The following HACL2 variants were observed in gnomAD, a reference collection of about 807,000 sequenced individuals.
The protein encoded by HACL2 is 2-hydroxyacyl-CoA lyase 2.
chr19:15,115,085 C>A, the HACL2 span: 1 of 766,166 alleles, frequency 1.3e-6, no homozygotes. Context: ...TCCAAGAGCT[C>A]ACAAGAGAGC....
the HACL2 span, chr19:15,119,183 T>C: frequency 5.1e-6 from 8 of 1,577,490 alleles, no homozygotes; most frequent in Non-Finnish European, 6.9e-6. Flanking sequence ...GACAATGACA[T>C]CCGCCTTCTT....
the HACL2 span, chr19:15,115,325 C>G: frequency 6.2e-7 from 1 of 1,614,152 alleles, no homozygotes; most frequent in Non-Finnish European, 8.5e-7. Context: ...GTGGCCGTCT[C>G]GGCACTGCTG....
chr19:15,122,588 T>C, the HACL2 span: 1 of 928,800 alleles, frequency 1.1e-6, no homozygotes, highest in Non-Finnish European at 1.7e-6. This position sits in a 1 kb window ranked among gnomAD's most constrained non-coding sequence, Gnocchi z 4.0. Context: ...CCCCCAGCTG[T>C]CTCCTCCCAG....
chr19:15,122,606 G>T, the HACL2 span: 1 of 1,119,408 alleles, frequency 8.9e-7, no homozygotes, highest in Non-Finnish European at 1.3e-6. This position sits in a 1 kb window ranked among gnomAD's most constrained non-coding sequence, Gnocchi z 4.0. Context: ...CAGTCCACAT[G>T]TGAATCAAAG....
chr19:15,119,501 C>T, the HACL2 span: 1 of 1,613,962 alleles, frequency 6.2e-7, no homozygotes, highest in Non-Finnish European at 8.5e-7. Flanking sequence ...TCAGGATCTC[C>T]ACACAGCGCT....
the HACL2 span, chr19:15,120,158 G>A: frequency 6.2e-6 from 6 of 969,018 alleles, no homozygotes; most frequent in Non-Finnish European, 9.4e-6. Context: ...AGCAAGGAAA[G>A]GGGCCGGGAG....
chr19:15,119,445 A>T, the HACL2 span: 1 of 1,614,128 alleles, frequency 6.2e-7, no homozygotes, highest in Non-Finnish European at 8.5e-7. Flanking sequence ...CGTTGGGGTG[A>T]GCAGGGCCTG....
At chr19:15,124,727 C>T in the HACL2 span, 21 of 698,868 alleles carry the variant, frequency 3.0e-5, no homozygotes, top group Non-Finnish European at 4.8e-5. Context: ...CGTGTTCTCT[C>T]TTACCAGTGG....
the HACL2 span, chr19:15,122,884 C>T: frequency 1.2e-6 from 2 of 1,611,786 alleles, no homozygotes; most frequent in East Asian, 2.2e-5. This position sits in a 1 kb window ranked among gnomAD's most constrained non-coding sequence, Gnocchi z 4.0. Flanking sequence ...TCACCATCCT[C>T]CACCTACCTG....
chr19:15,117,911 T>TA, the HACL2 span: 2 of 1,614,090 alleles, frequency 1.2e-6, no homozygotes, highest in Non-Finnish European at 8.5e-7. Flanking sequence ...TTCCAGAAGA[T>TA]GTCTGAGTTG....
chr19:15,123,510 G>T, the HACL2 span: 74 of 1,613,900 alleles, frequency 4.6e-5, no homozygotes, highest in Non-Finnish European at 5.8e-5. The surrounding 1 kb of genome is among the most constrained non-coding windows in gnomAD (Gnocchi z 5.1). Context: ...AAGATGAACC[G>T]CACACCATGG....
the HACL2 span, chr19:15,122,923 G>A: frequency 2.3e-5 from 37 of 1,607,490 alleles, no homozygotes; most frequent in Admixed American, 6.7e-5. This position sits in a 1 kb window ranked among gnomAD's most constrained non-coding sequence, Gnocchi z 4.0. Flanking sequence ...CAGCCATCGC[G>A]GCCCTCAGGG....
the HACL2 span, among the ~76,000 whole-genome samples, chr19:15,118,294 T>C: frequency 3.9e-5 from 6 of 152,198 alleles, no homozygotes; most frequent in African/African-American, 1.4e-4. Flanking sequence ...CACCTTGACA[T>C]GCCTCCCATG....
the HACL2 span, among the ~76,000 whole-genome samples, chr19:15,121,189 G>A: frequency 4.8e-3 from 734 of 152,318 alleles, 2 homozygotes; most frequent in Non-Finnish European, 8.3e-3. Context: ...AACCCGGGAG[G>A]TGGAGGTTGC....
chr19:15,123,537 C>T, the HACL2 span: 1 of 1,614,004 alleles, frequency 6.2e-7, no homozygotes, highest in Non-Finnish European at 8.5e-7. The surrounding 1 kb of genome is among the most constrained non-coding windows in gnomAD (Gnocchi z 5.1). Flanking sequence ...AGCACAGCGG[C>T]CACGTTCTCT....
the HACL2 span, among the ~76,000 whole-genome samples, chr19:15,121,478 G>A: frequency 6.6e-6 from 1 of 152,022 alleles, no homozygotes; most frequent in Non-Finnish European, 1.5e-5. Flanking sequence ...GAGAGAAGGA[G>A]GAAGAAGAGG....
chr19:15,123,868 A>G, the HACL2 span: 5 of 468,268 alleles, frequency 1.1e-5, no homozygotes, highest in African/African-American at 1.9e-5. The surrounding 1 kb of genome is among the most constrained non-coding windows in gnomAD (Gnocchi z 5.1). Flanking sequence ...CCACTGTTAC[A>G]CTGCCTGTCT....
At chr19:15,117,938 G>A in the HACL2 span, 44 of 1,613,980 alleles carry the variant, frequency 2.7e-5, no homozygotes, top group East Asian at 6.7e-5. Flanking sequence ...ATCTCTTCCC[G>A]ATTACGATTG....
chr19:15,118,926 G>A, the HACL2 span, among the ~76,000 whole-genome samples: 1 of 152,216 alleles, frequency 6.6e-6, no homozygotes, highest in East Asian at 1.9e-4. Context: ...CTACCTTATA[G>A]GTGGATCTTG....
Sources: gnomAD v4.1 joint callset for allele counts (sites outside exome capture counted in the v4.1 genomes callset) on GRCh38, gnomAD v4.1.1 for gene constraint, Gnocchi (gnomAD v3.1) non-coding constraint, MANE v1.5 for transcripts, NCBI Gene and HGNC (gene_info 2026-07-23, HGNC 2026-07-21) for gene names.